The following GUCY2C variants were observed in gnomAD, a reference collection of about 807,000 sequenced individuals.
The protein encoded by GUCY2C is guanylate cyclase 2C.
A neutral mutation model predicts 131.1 loss-of-function variants in GUCY2C; 118 were observed. That is an observed-to-expected ratio of 0.90 (90% CI 0.78 to 1.05). GUCY2C has a LOEUF of 1.05. GUCY2C is among the 50% of genes least tolerant of loss of function. The pLI is 0.00. For missense variants in GUCY2C, 1,161 were observed against 1,304.4 expected, an observed-to-expected ratio of 0.89 and a Z score of 1.69; for synonymous variants, 452 against 457.8, an observed-to-expected ratio of 0.99 and a Z score of 0.16.
rs1457354975 is a variant in GUCY2C, at chr12:14,630,942, A to C, written c.2158-2205T>G. ...AAAGGGCTTGAGAAAGGATATGCTG[A>C]TTGTGTGGAGGAATCCTGGAATTCG... On this transcript the variant is annotated intron_variant, in intron 19 of 26. Coordinates refer to ENST00000261170, the MANE Select transcript of GUCY2C (RefSeq NM_004963.4). Among the ~76,000 whole-genome samples the C allele has an allele frequency of 2.6e-5, 4 of 152,188 alleles. No homozygotes were observed. The South Asian group carries it at 8.3e-4, about 31-fold the overall frequency.
chr12:14,621,113 C>T lies in GUCY2C; in HGVS notation c.2705G>A (p.Ser902Asn), dbSNP rs1387120702. 1.2e-6 allele frequency: 2 copies of T among 1,614,038 alleles called. No individual in the cohort carries two copies. Among genetic ancestry groups the T allele is most frequent in the East Asian group, 4.5e-5 (2 of 44,872 alleles). ...DIAKMALEIL[S>N]FMGTFELEHL... is the part of the protein sequence containing the mutation. Reference sequence around the variant, plus strand: ...CTCCAGCTCAAAGGTCCCCATGAAGCTGAGGATTTCCAAGGCCATCTTGGC... The same window carrying T: ...CTCCAGCTCAAAGGTCCCCATGAAGTTGAGGATTTCCAAGGCCATCTTGGC... Residue 902 changes from serine to asparagine, a missense_variant, in exon 23 of 27, where the codon AGC becomes AAC. Physicochemically the swap from Ser to Asn is conservative, Grantham distance 46. Transcript: ENST00000261170.
At chr12:14,666,029 A>T (rs529308527) in intron 10 of GUCY2C, 2 of 152,474 alleles carry the variant, frequency 1.3e-5, no homozygotes, top group South Asian at 4.1e-4. Context: ...AGGGCTCTGA[A>T]GGGAAAAAAC....
intron 19 of GUCY2C, among the ~76,000 whole-genome samples, chr12:14,635,087 G>T (rs938681644): frequency 1.3e-5 from 2 of 152,022 alleles, no homozygotes; most frequent in African/African-American, 4.8e-5. Context: ...AAGAAACATT[G>T]GATTTAAACT....
chr12:14,622,978 G>A (rs1324885003), intron 21 of GUCY2C, among the ~76,000 whole-genome samples: 1 of 152,214 alleles, frequency 6.6e-6, no homozygotes, highest in Non-Finnish European at 1.5e-5. Context: ...CTGACATGAA[G>A]TGGGATGGTC....
chr12:14,675,227 A>T (rs1327176030), intron 7 of GUCY2C, among the ~76,000 whole-genome samples: 1 of 144,950 alleles, frequency 6.9e-6, no homozygotes, highest in East Asian at 2.0e-4. Flanking sequence ...AAAAAAAAAA[A>T]AAGAAAAAAA....
intron 2 of GUCY2C, among the ~76,000 whole-genome samples, chr12:14,686,461 T>G (rs1347964459): frequency 6.6e-6 from 1 of 152,148 alleles, no homozygotes; most frequent in Non-Finnish European, 1.5e-5. Flanking sequence ...GTGAGCTGAC[T>G]GGAGGTGAAC....
chr12:14,688,170 T>C (rs1948509995), intron 1 of GUCY2C, 107 bp from the exon 2 acceptor site: 1 of 706,092 alleles, frequency 1.4e-6, no homozygotes, highest in African/African-American at 1.7e-5. Context: ...TTTTCAGGCC[T>C]AGGAATATTT....
At chr12:14,659,803 C>T (rs1947831199) in intron 11 of GUCY2C, among the ~76,000 whole-genome samples, 1 of 152,180 alleles carries the variant, frequency 6.6e-6, no homozygotes, top group South Asian at 2.1e-4. Flanking sequence ...GCATGTGTAC[C>T]ACCTGTCTGC....
At chr12:14,626,374 A>T (rs536225520) in intron 20 of GUCY2C, among the ~76,000 whole-genome samples, 20 of 152,310 alleles carry the variant, frequency 1.3e-4, no homozygotes, top group Middle Eastern at 6.8e-3. Context: ...GAATAAGATT[A>T]AAAAAGGGAA....
intron 10 of GUCY2C, 101 bp from the exon 11 acceptor site, chr12:14,661,163 C>T: frequency 4.1e-6 from 3 of 727,676 alleles, no homozygotes; most frequent in East Asian, 2.7e-5. Context: ...AAAAGAGAAC[C>T]CTTTAAAAAA....
chr12:14,628,695 T>G lies in GUCY2C; in HGVS notation c.2200A>C (p.Lys734Gln), dbSNP rs1297134113. The change falls in exon 20 of 27, where the codon AAG becomes CAG. Residue 734 changes from lysine (K) to glutamine (Q), a missense_variant. Lys to Gln is a moderately conservative substitution (Grantham distance 53). Coordinates refer to ENST00000261170, the MANE Select transcript of GUCY2C (RefSeq NM_004963.4). ...TCAATTTTTTTGAAATCTGGTCTCTTTTCTGGATCTTCCTCCCAACAGTTT... is the reference window on the plus strand; with the variant it reads ...TCAATTTTTTTGAAATCTGGTCTCTGTTCTGGATCTTCCTCCCAACAGTTT... ...VKNCWEEDPE[K>Q]RPDFKKIETT... 2.5e-6 allele frequency: 4 copies of G among 1,604,010 alleles called. No homozygotes were observed. The highest frequency in any genetic ancestry group is 2.6e-6 in the Non-Finnish European group (3 of 1,171,102).
chr12:14,636,354 G>A (rs1427958974), intron 19 of GUCY2C, among the ~76,000 whole-genome samples: 1 of 151,980 alleles, frequency 6.6e-6, no homozygotes, highest in Non-Finnish European at 1.5e-5. Context: ...AAGAACAAAA[G>A]CCATATGATC....
chr12:14,619,809 C>T (rs1407055608), intron 23 of GUCY2C: 2 of 152,900 alleles, frequency 1.3e-5, no homozygotes, highest in African/African-American at 4.8e-5. Flanking sequence ...TTTCCGTAAG[C>T]ATTTCATGGA....
intron 23 of GUCY2C, chr12:14,619,714 A>G (rs1455162643): frequency 6.3e-6 from 1 of 159,208 alleles, no homozygotes; most frequent in Non-Finnish European, 1.4e-5. Context: ...CAATGGCTCA[A>G]GTTTGTTTTA....
chr12:14,688,716 G>C (rs1251292348), intron 1 of GUCY2C, among the ~76,000 whole-genome samples: 1 of 152,208 alleles, frequency 6.6e-6, no homozygotes. Flanking sequence ...GTGTTACACA[G>C]AATAATGCAT....
chr12:14,695,325 G>A (rs1470363955), intron 1 of GUCY2C, among the ~76,000 whole-genome samples: 8 of 152,086 alleles, frequency 5.3e-5, no homozygotes, highest in Non-Finnish European at 7.4e-5. Context: ...TAACTAAAAG[G>A]TACAATGAAG....
At chr12:14,648,207 G>T (rs143841763) in intron 15 of GUCY2C, among the ~76,000 whole-genome samples, 1 of 151,186 alleles carries the variant, frequency 6.6e-6, no homozygotes, top group Admixed American at 6.6e-5. Flanking sequence ...TGTCCCACCC[G>T]CCTCTGCCTC....
chr12:14,637,558 C>T (rs1049216576), intron 19 of GUCY2C, among the ~76,000 whole-genome samples: 9 of 152,024 alleles, frequency 5.9e-5, no homozygotes, highest in African/African-American at 1.9e-4. Flanking sequence ...TTGCAGTAAC[C>T]AAAACAACCT....
At chr12:14,647,765 TAAG>T (rs977078793) in intron 15 of GUCY2C, among the ~76,000 whole-genome samples, 2 of 152,032 alleles carry the variant, frequency 1.3e-5, no homozygotes, top group African/African-American at 2.4e-5. Context: ...TTAAAAATAT[TAAG>T]GAGGATTTTT....
Sources: gnomAD v4.1 joint callset for allele counts (sites outside exome capture counted in the v4.1 genomes callset) on GRCh38, gnomAD v4.1.1 for gene constraint, MANE v1.5 for transcripts, NCBI Gene and HGNC (gene_info 2026-07-23, HGNC 2026-07-21) for gene names.